Variants in CYTH3 observed in about 807,000 individuals in gnomAD.
CYTH3 encodes cytohesin-3.
CYTH3 carries 23 observed loss-of-function variants against 55.1 expected under a neutral mutation model. The observed-to-expected ratio is 0.42, with a 90% CI of 0.30 to 0.59. CYTH3 has a LOEUF of 0.59. Among genes scored for constraint, CYTH3 ranks in the 20% least tolerant of loss-of-function variants. The probability of loss-of-function intolerance (pLI) is 0.20; values close to 1 mark genes in which losing one functional copy is unlikely to be tolerated. For missense variants in CYTH3, 413 were observed against 524.8 expected (o/e 0.79, Z 2.08); for synonymous variants, 249 against 194.9 (o/e 1.28, Z -2.31).
At chr7:6,195,143 AAG>A (rs1783894735) in intron 1 of CYTH3, among the ~76,000 whole-genome samples, 1 of 152,166 alleles carries the variant, frequency 6.6e-6, no homozygotes, top group Non-Finnish European at 1.5e-5. Flanking sequence ...TGCCTAAAAA[AAG>A]AGAACAAATT....
intron 1 of CYTH3, among the ~76,000 whole-genome samples, chr7:6,207,686 A>C (rs371319501): frequency 6.6e-6 from 1 of 152,056 alleles, no homozygotes; most frequent in African/African-American, 2.4e-5. Context: ...GCAGTGACTC[A>C]TACCTGTAAT....
intron 1 of CYTH3, among the ~76,000 whole-genome samples, chr7:6,263,747 A>G (rs1780414241): frequency 6.6e-6 from 1 of 152,008 alleles, no homozygotes; most frequent in South Asian, 2.1e-4. Flanking sequence ...TCAATGAGCC[A>G]AGATCACACC....
At chr7:6,232,319 A>G (rs796227362) in intron 1 of CYTH3, among the ~76,000 whole-genome samples, 19 of 152,312 alleles carry the variant, frequency 1.2e-4, no homozygotes, top group African/African-American at 4.6e-4. Context: ...TCTTAGATTA[A>G]GCAAGCTCTG....
In CYTH3 at chr7:6,216,567, C is replaced by T. The variant is rs982510866; in HGVS notation, c.35-26036G>A. On this transcript the variant is annotated intron_variant, in intron 1 of 12. Transcript: ENST00000350796. ...CAGCCTTGTCAACACCGCAAGACCC[C>T]ATCTCTACAAAAAAAATCAAAAAAT... is the stretch of plus-strand genomic sequence containing the variant. Among the ~76,000 whole-genome samples the T allele has an allele frequency of 2.6e-5, 4 of 151,576 alleles. No homozygotes were observed. In the East Asian group the frequency reaches 7.8e-4, roughly 29 times the overall value.
At chr7:6,187,235 T>C in intron 3 of CYTH3, 119 bp from the exon 4 acceptor site, 1 of 1,075,674 alleles carries the variant, frequency 9.3e-7, no homozygotes, top group South Asian at 1.4e-5. Flanking sequence ...GCACAGGCCC[T>C]CACGGAGGGG....
At chr7:6,173,597 C>G in intron 6 of CYTH3, 56 bp downstream of exon 6, 1 of 1,122,676 alleles carries the variant, frequency 8.9e-7, no homozygotes, top group Non-Finnish European at 1.4e-6. Flanking sequence ...GCTGCCCAGG[C>G]AGTGGTCCTC....
chr7:6,244,217 G>C (rs143257126), intron 1 of CYTH3, among the ~76,000 whole-genome samples: 235 of 152,254 alleles, frequency 1.5e-3, no homozygotes, highest in African/African-American at 5.2e-3. Flanking sequence ...CAACAAAACA[G>C]CCTGGGGGGA....
chr7:6,239,024 G>C (rs1038853041), intron 1 of CYTH3, among the ~76,000 whole-genome samples: 1 of 152,120 alleles, frequency 6.6e-6, no homozygotes, highest in Non-Finnish European at 1.5e-5. Flanking sequence ...GACCAGCCTG[G>C]CCAACATGGC....
chr7:6,186,334 G>A (rs139137906), intron 4 of CYTH3, among the ~76,000 whole-genome samples: 1,995 of 150,770 alleles, frequency 0.013, 25 homozygotes, highest in Middle Eastern at 0.062. Flanking sequence ...CCGTGGACAC[G>A]CCGTTCCTCT....
intron 1 of CYTH3, among the ~76,000 whole-genome samples, chr7:6,202,410 G>A (rs1451651420): frequency 2.0e-5 from 3 of 151,472 alleles, no homozygotes; most frequent in African/African-American, 2.4e-5. Context: ...CACGTGAACC[G>A]CCAGCCAACT....
chr7:6,186,481 G>A (rs1170392154), intron 4 of CYTH3, among the ~76,000 whole-genome samples: 2 of 152,118 alleles, frequency 1.3e-5, no homozygotes, highest in Admixed American at 6.5e-5. Flanking sequence ...CACGGTTTTC[G>A]AGTGTCTCCC....
At chr7:6,229,935 G>A (rs1441613471) in intron 1 of CYTH3, among the ~76,000 whole-genome samples, 1 of 152,016 alleles carries the variant, frequency 6.6e-6, no homozygotes, top group Non-Finnish European at 1.5e-5. Flanking sequence ...TGGAGTTCGA[G>A]ACCAGCCTAG....
chr7:6,188,362 A>C (rs551178734), intron 2 of CYTH3, among the ~76,000 whole-genome samples: 6 of 152,030 alleles, frequency 3.9e-5, no homozygotes, highest in African/African-American at 1.4e-4. Context: ...AAAACAAAAA[A>C]AAAAAGCCCA....
Position 6,272,527 on chromosome 7 carries a change from C to A in CYTH3, c.-20G>T. 1 of 1,322,488 alleles carries A rather than the reference C, an allele frequency of 7.6e-7. No individual in the cohort carries two copies. The highest frequency in any genetic ancestry group is 1.6e-5 in the South Asian group (1 of 61,452). 81.9% of individuals were successfully genotyped at this position (1,322,488 alleles called of 1,614,324 possible). On this transcript the variant is annotated 5_prime_UTR_variant, in exon 1 of 13. Coordinates refer to ENST00000350796, the MANE Select transcript of CYTH3 (RefSeq NM_004227.4). ...ATCCATCTTGAGGCCACTCCCGCAG[C>A]CGGCGAGCCGGGGGCCGGCAGCAGA...
chr7:6,238,118 G>A (rs1779574349), intron 1 of CYTH3, among the ~76,000 whole-genome samples: 1 of 152,158 alleles, frequency 6.6e-6, no homozygotes, highest in Non-Finnish European at 1.5e-5. Context: ...GGTTATTATT[G>A]AAATCCAGGA....
Position 6,165,801 on chromosome 7 carries a change from A to ACACG in CYTH3, c.829_832dup (p.Val278AlafsTer15), listed in dbSNP as rs750522071. ...GAACCACCGGCGCTTCCAGGTCTTC[A>ACACG]CACGCCCTCCTAGAAGCAGAAGGGC... On this transcript the variant is annotated frameshift_variant, in exon 10 of 13. Transcript: ENST00000350796. LOFTEE classifies it high-confidence loss of function. The ACACG allele has an allele frequency of 3.7e-6, 6 of 1,613,902 alleles. No individual in the cohort carries two copies. In the African/African-American group the frequency reaches 5.3e-5, roughly 14 times the overall value.
chr7:6,252,906 G>C (rs149800791), intron 1 of CYTH3, among the ~76,000 whole-genome samples: 1 of 151,976 alleles, frequency 6.6e-6, no homozygotes, highest in Non-Finnish European at 1.5e-5. Context: ...AACTACCTCC[G>C]GATGGGTGTG....
At chr7:6,193,873 C>T (rs533943603) in intron 1 of CYTH3, among the ~76,000 whole-genome samples, 2 of 152,244 alleles carry the variant, frequency 1.3e-5, no homozygotes, top group African/African-American at 4.8e-5. Flanking sequence ...ATCACCAAGC[C>T]GCCTTCTCCA....
chr7:6,259,829 T>TA (rs1780301938), intron 1 of CYTH3, among the ~76,000 whole-genome samples: 2 of 21,784 alleles, frequency 9.2e-5, no homozygotes, highest in Non-Finnish European at 1.3e-4. Context: ...TATATATATA[T>TA]ATATTTTTTT....
Sources: gnomAD v4.1 joint callset for allele counts (sites outside exome capture counted in the v4.1 genomes callset) on GRCh38, gnomAD v4.1.1 for gene constraint, MANE v1.5 for transcripts, NCBI Gene and HGNC (gene_info 2026-07-23, HGNC 2026-07-21) for gene names.